The following ATP6V1C1 variants were observed in gnomAD, a reference collection of about 807,000 sequenced individuals.
The protein encoded by ATP6V1C1 is ATPase H+ transporting V1 subunit C1, also known as V-type proton ATPase subunit C 1.
ATP6V1C1 carries 45 observed loss-of-function variants against 53.9 expected under a neutral mutation model. That is an observed-to-expected ratio of 0.83 (90% CI 0.66 to 1.07). The LOEUF (loss-of-function observed/expected upper bound fraction) is 1.07, where lower values mean the gene tolerates loss of function less well. ATP6V1C1 is among the 50% of genes least tolerant of loss of function. The pLI is 0.00. For synonymous variants in ATP6V1C1, 153 were observed against 155.2 expected (o/e 0.99, Z 0.11); for missense variants, 315 against 440.3 (o/e 0.72, Z 2.55).
intron 8 of ATP6V1C1, among the ~76,000 whole-genome samples, chr8:103,061,135 C>T (rs1817388780): frequency 6.6e-6 from 1 of 152,126 alleles, no homozygotes; most frequent in Admixed American, 6.5e-5. Context: ...GGTAGCTGCC[C>T]TTCATTGGGT....
At chr8:103,050,488 G>A (rs909874387) in intron 4 of ATP6V1C1, among the ~76,000 whole-genome samples, 1 of 152,146 alleles carries the variant, frequency 6.6e-6, no homozygotes, top group African/African-American at 2.4e-5. Context: ...ATCCCTTTAG[G>A]GGTGAAGTCA....
At chr8:103,065,648 A>G (rs1330455000) in intron 11 of ATP6V1C1, among the ~76,000 whole-genome samples, 5 of 152,206 alleles carry the variant, frequency 3.3e-5, no homozygotes, top group South Asian at 2.1e-4. Flanking sequence ...AATTTTTTCA[A>G]ATTTTCAAAC....
In ATP6V1C1 at chr8:103,068,776, C is replaced by A; in HGVS notation, c.*29C>A. 6.4e-7 allele frequency: 1 copy of A among 1,572,152 alleles called. No homozygotes were observed. The highest frequency in any genetic ancestry group is 1.1e-5 in the South Asian group (1 of 88,162). On this transcript the variant is annotated 3_prime_UTR_variant, in exon 13 of 13. Coordinates refer to ENST00000518738, the MANE Select transcript of ATP6V1C1 (RefSeq NM_001695.5). The stretch of plus-strand genomic sequence containing the variant: ...TGGGCTCCTCCCCCGACAATCCTGT[C>A]CTTGTGTTTGTGTGTGCTAACAGAA...
intron 4 of ATP6V1C1, among the ~76,000 whole-genome samples, chr8:103,049,952 G>A (rs1817171926): frequency 6.6e-6 from 1 of 150,904 alleles, no homozygotes; most frequent in Non-Finnish European, 1.5e-5. Flanking sequence ...GCAAGACCCT[G>A]TCTCAAAAAA....
intron 11 of ATP6V1C1, 21 bp downstream of exon 11, chr8:103,064,832 A>C: frequency 6.2e-7 from 1 of 1,604,130 alleles, no homozygotes; most frequent in Non-Finnish European, 8.5e-7. Flanking sequence ...TTAATTGCCA[A>C]ACTTGGAACT....
chr8:103,049,785 A>G (rs1457363907), intron 4 of ATP6V1C1, among the ~76,000 whole-genome samples: 1 of 152,040 alleles, frequency 6.6e-6, no homozygotes, highest in Admixed American at 6.6e-5. Flanking sequence ...AAACCCAAAC[A>G]AAAATAAAGA....
rs902695691 is a variant in ATP6V1C1 at position 103,027,301 on chromosome 8, T to C, written c.-40+6076T>C. 2.6e-5 allele frequency among the ~76,000 whole-genome samples: 4 copies of C among 152,238 alleles called. No homozygotes were observed. The East Asian group carries it at 7.7e-4, about 29-fold the overall frequency. ...GCTTAATTTATTGTGAAATTTAATT[T>C]ACTGTGAAAGGTGATTGCATTTCAG... On this transcript the variant is annotated intron_variant, in intron 1 of 12. Transcript: ENST00000518738.
intron 3 of ATP6V1C1, among the ~76,000 whole-genome samples, chr8:103,043,354 G>A (rs954716538): frequency 3.3e-5 from 5 of 151,924 alleles, no homozygotes; most frequent in Non-Finnish European, 4.4e-5. Context: ...ACGGAGTCTC[G>A]CTCTGTCGCC....
chr8:103,024,081 T>C (rs1205338273), intron 1 of ATP6V1C1, among the ~76,000 whole-genome samples: 3 of 152,184 alleles, frequency 2.0e-5, no homozygotes, highest in Non-Finnish European at 4.4e-5. Flanking sequence ...CTGAAAGTGC[T>C]CAGGTTGTCA....
chr8:103,023,303 G>C (rs896935000), intron 1 of ATP6V1C1, among the ~76,000 whole-genome samples: 75 of 150,418 alleles, frequency 5.0e-4, no homozygotes, highest in African/African-American at 1.7e-3. Context: ...TTTTTGGTGG[G>C]GGGGAGATAA....
intron 1 of ATP6V1C1, among the ~76,000 whole-genome samples, chr8:103,035,049 G>T (rs1304832213): frequency 6.6e-6 from 1 of 152,180 alleles, no homozygotes; most frequent in African/African-American, 2.4e-5. Context: ...TTTACTTAGA[G>T]TTAGTTTGCT....
intron 12 of ATP6V1C1, among the ~76,000 whole-genome samples, chr8:103,066,925 G>A (rs1309172908): frequency 6.7e-6 from 1 of 149,314 alleles, no homozygotes; most frequent in Admixed American, 6.6e-5. Context: ...GATCACTTGA[G>A]CCCAGGCCTT....
At chr8:103,043,083 A>G (rs559207117) in intron 3 of ATP6V1C1, among the ~76,000 whole-genome samples, 3 of 152,058 alleles carry the variant, frequency 2.0e-5, no homozygotes, top group Non-Finnish European at 4.4e-5. Context: ...GTGTTCTTAA[A>G]TGTTTTCATT....
intron 3 of ATP6V1C1, 131 bp downstream of exon 3, chr8:103,042,538 C>A: frequency 1.4e-6 from 1 of 732,968 alleles, no homozygotes; most frequent in Non-Finnish European, 2.2e-6. Flanking sequence ...TTTTTCCCTT[C>A]GTATATCAAT....
At position 103,042,274 on chromosome 8, in the gene ATP6V1C1, T is replaced by G; in HGVS notation, c.133-66T>G. 5 of 1,474,646 alleles carry G rather than the reference T, an allele frequency of 3.4e-6. No homozygotes were observed. The South Asian group carries it at 5.8e-5, about 17-fold the overall frequency. The allele number at this position is 1,474,646 out of a possible 1,614,324, so 91.3% of individuals were successfully genotyped here. ...GATTTGTGAGAACTTTAGGTCAAGA[T>G]GAATCATCTTGTTTTTTTTTTTTAA... is the stretch of plus-strand genomic sequence containing the variant. On this transcript the variant is annotated intron_variant, in intron 2 of 12. Coordinates refer to ENST00000518738, the MANE Select transcript of ATP6V1C1 (RefSeq NM_001695.5).
rs564877179 is a variant in ATP6V1C1 at position 103,071,979 on chromosome 8, A to G, written c.*3232A>G. The G allele has an allele frequency of 6.6e-6, 1 of 152,364 alleles. No homozygotes were observed. The highest frequency in any genetic ancestry group is 2.1e-4 in the South Asian group (1 of 4,824). The allele number at this position is 152,364 out of a possible 1,614,324, so 9.4% of individuals were successfully genotyped here. A position where few individuals can be genotyped will look rare whatever the true frequency, so the allele number is the denominator to read the frequency against. ...GAACATTTCATCTATGATGGGTTAGATAATGTGTCTAGTTGTTTGCATGCC... is the reference window on the plus strand; with the variant it reads ...GAACATTTCATCTATGATGGGTTAGGTAATGTGTCTAGTTGTTTGCATGCC... On this transcript the variant is annotated 3_prime_UTR_variant, in exon 13 of 13. Transcript: ENST00000518738.
intron 3 of ATP6V1C1, among the ~76,000 whole-genome samples, chr8:103,045,913 C>T (rs1240471286): frequency 6.6e-6 from 1 of 151,746 alleles, no homozygotes; most frequent in Non-Finnish European, 1.5e-5. Context: ...TGCACTCCAG[C>T]CTGGGTGACA....
At chr8:103,067,785 A>G (rs777149892) in intron 12 of ATP6V1C1, among the ~76,000 whole-genome samples, 5 of 151,856 alleles carry the variant, frequency 3.3e-5, no homozygotes, top group African/African-American at 1.2e-4. Flanking sequence ...CGGTTTCACC[A>G]TGTTGGCCAG....
chr8:103,063,488 A>G (rs1817439133), intron 10 of ATP6V1C1, among the ~76,000 whole-genome samples: 1 of 152,198 alleles, frequency 6.6e-6, no homozygotes. Flanking sequence ...TAGTTATCCT[A>G]AAATACATAC....
Sources: gnomAD v4.1 joint callset for allele counts (sites outside exome capture counted in the v4.1 genomes callset) on GRCh38, gnomAD v4.1.1 for gene constraint, MANE v1.5 for transcripts, NCBI Gene and HGNC (gene_info 2026-07-23, HGNC 2026-07-21) for gene names.